GALK2: variants seen among roughly 807,000 people sequenced by gnomAD.
The protein encoded by GALK2 is N-acetylgalactosamine kinase.
A neutral mutation model predicts 52.4 loss-of-function variants in GALK2; 36 were observed. The observed-to-expected ratio is 0.69, with a 90% CI of 0.53 to 0.91. The LOEUF (loss-of-function observed/expected upper bound fraction) is 0.91, where lower values mean the gene tolerates loss of function less well. Ranked by LOEUF, GALK2 falls within the 40% of genes least tolerant of loss-of-function variation. GALK2 has a pLI of 0.00. For missense variants in GALK2, 579 were observed against 559.1 expected, an observed-to-expected ratio of 1.04 and a Z score of -0.36; for synonymous variants, 176 against 199.1, an observed-to-expected ratio of 0.88 and a Z score of 0.98.
chr15:49,262,935 AGTTT>A lies in GALK2; in HGVS notation c.505-19048_505-19045del, dbSNP rs1269947908. Among the ~76,000 whole-genome samples the A allele has an allele frequency of 2.1e-5, 3 of 143,994 alleles. No homozygotes were observed. In the East Asian group the frequency reaches 6.0e-4, roughly 29 times the overall value. The allele number at this position is 143,994 out of a possible 152,430, so 94.5% of individuals were successfully genotyped here. ...TTGATTGCACTGTGGTCTGAGAGATAGTTTGTTATAATTTCTGTTCTTTTACATC... is the reference window on the plus strand; with the variant it reads ...TTGATTGCACTGTGGTCTGAGAGATAGTTATAATTTCTGTTCTTTTACATC... On this transcript the variant is annotated intron_variant, in intron 5 of 9. Coordinates refer to ENST00000560031, the MANE Select transcript of GALK2 (RefSeq NM_002044.4).
chr15:49,205,149 T>A (rs2088164855), intron 2 of GALK2, among the ~76,000 whole-genome samples: 1 of 151,238 alleles, frequency 6.6e-6, no homozygotes, highest in Non-Finnish European at 1.5e-5. Flanking sequence ...ATAATACCAA[T>A]GACATATAGT....
chr15:49,327,722 T>TA (rs2037770929), intron 9 of GALK2: 1 of 396,894 alleles, frequency 2.5e-6, no homozygotes, highest in East Asian at 4.0e-5. Context: ...ACTGTTGACT[T>TA]ACCACTTGGA....
intron 3 of GALK2, among the ~76,000 whole-genome samples, chr15:49,361,706 T>C (rs986738229): frequency 5.3e-5 from 8 of 152,178 alleles, no homozygotes; most frequent in African/African-American, 1.9e-4. Context: ...GCAATGAGCA[T>C]ACGCGTGAAT....
intron 7 of GALK2, among the ~76,000 whole-genome samples, chr15:49,288,788 G>T (rs967312704): frequency 1.3e-5 from 2 of 152,176 alleles, no homozygotes; most frequent in African/African-American, 4.8e-5. Flanking sequence ...TGAAAGCAGT[G>T]GTTGTTAGCA....
chr15:49,365,000 A>G (rs1435435469), intron 3 of GALK2: 2 of 442,662 alleles, frequency 4.5e-6, no homozygotes, highest in African/African-American at 2.0e-5. Flanking sequence ...ACCAGCTCAT[A>G]AAAATATATA....
chr15:49,202,503 C>G (rs1266673463), intron 2 of GALK2, among the ~76,000 whole-genome samples: 1 of 152,190 alleles, frequency 6.6e-6, no homozygotes, highest in Non-Finnish European at 1.5e-5. Flanking sequence ...GTCCTCTAAG[C>G]TCATCCATGT....
chr15:49,298,411 C>A lies in GALK2; in HGVS notation c.967+5874C>A, dbSNP rs138750812. Reference sequence around the variant, plus strand: ...TTTCCTACTTGGATGCATTTTATTTCTTTCTCTTGCCTGATTGCTGTGGCT... The same window carrying A: ...TTTCCTACTTGGATGCATTTTATTTATTTCTCTTGCCTGATTGCTGTGGCT... On this transcript the variant is annotated intron_variant, in intron 8 of 9. Coordinates refer to ENST00000560031, the MANE Select transcript of GALK2 (RefSeq NM_002044.4). Among the ~76,000 whole-genome samples the A allele has an allele frequency of 2.4e-3, 368 of 152,198 alleles. 4 individuals are homozygous for A. Among genetic ancestry groups the A allele is most frequent in the African/African-American group, 8.4e-3 (348 of 41,536 alleles).
intron 5 of GALK2, among the ~76,000 whole-genome samples, chr15:49,270,810 G>A (rs2030421381): frequency 6.6e-6 from 1 of 152,136 alleles, no homozygotes; most frequent in Admixed American, 6.5e-5. Context: ...AGGAAAATTA[G>A]CAAGTATTCT....
chr15:49,198,821 C>T (rs2087466190), intron 1 of GALK2: 1 of 139,828 alleles, frequency 7.2e-6, no homozygotes, highest in African/African-American at 2.6e-5. Context: ...TCCCTTCCTC[C>T]CCCTCTTCCC....
At chr15:49,282,202 T>C (rs1350114185) in intron 6 of GALK2, 117 bp downstream of exon 6, 5 of 613,048 alleles carry the variant, frequency 8.2e-6, no homozygotes, top group African/African-American at 1.9e-5. Flanking sequence ...TATATTAGGC[T>C]CTATTGTAGG....
intron 2 of GALK2, among the ~76,000 whole-genome samples, chr15:49,207,097 T>C (rs1780331954): frequency 6.6e-6 from 1 of 152,242 alleles, no homozygotes; most frequent in Non-Finnish European, 1.5e-5. Context: ...GAGATGATCA[T>C]GTGATTTTTG....
At chr15:49,272,621 T>C (rs577725945) in intron 5 of GALK2, among the ~76,000 whole-genome samples, 5 of 152,312 alleles carry the variant, frequency 3.3e-5, no homozygotes, top group African/African-American at 1.2e-4. Context: ...TTTAGATTCA[T>C]GTTAATATTT....
intron 8 of GALK2, among the ~76,000 whole-genome samples, chr15:49,312,053 C>T (rs923055226): frequency 6.6e-6 from 1 of 152,196 alleles, no homozygotes; most frequent in African/African-American, 2.4e-5. Flanking sequence ...TTCACTCCTG[C>T]TTTCTAGATT....
chr15:49,192,525 A>ATATATATAT (rs1555400547), intron 1 of GALK2, among the ~76,000 whole-genome samples: 2 of 123,148 alleles, frequency 1.6e-5, no homozygotes, highest in African/African-American at 6.1e-5. Flanking sequence ...ATATATATAT[A>ATATATATAT]GTTGGAGGTG....
chr15:49,288,515 C>T (rs966862465), intron 7 of GALK2, among the ~76,000 whole-genome samples: 1 of 152,114 alleles, frequency 6.6e-6, no homozygotes, highest in African/African-American at 2.4e-5. Flanking sequence ...GAGAAGTTGG[C>T]ATAATAGTCT....
intron 8 of GALK2, among the ~76,000 whole-genome samples, chr15:49,294,180 T>C (rs1327276956): frequency 6.7e-6 from 1 of 149,628 alleles, no homozygotes; most frequent in African/African-American, 2.5e-5. Context: ...AATAAATAAA[T>C]AAATAAGCAA....
intron 8 of GALK2, among the ~76,000 whole-genome samples, chr15:49,303,154 G>GA (rs972723461): frequency 4.6e-5 from 7 of 151,798 alleles, no homozygotes; most frequent in African/African-American, 1.2e-4. Context: ...GTTTCCTAGG[G>GA]AAAAAAAATG....
intron 2 of GALK2, among the ~76,000 whole-genome samples, chr15:49,207,364 T>C (rs1453278599): frequency 1.3e-5 from 2 of 152,138 alleles, no homozygotes; most frequent in African/African-American, 4.8e-5. Context: ...AATGAATTCG[T>C]AAAATGAATT....
chr15:49,366,544 G>A, intron 3 of GALK2: 1 of 1,568,094 alleles, frequency 6.4e-7, no homozygotes, highest in Non-Finnish European at 8.8e-7. Flanking sequence ...CTGACCAATG[G>A]GGGTTATAAA....
Sources: allele counts gnomAD v4.1 joint callset (sites outside exome capture counted in the v4.1 genomes callset), GRCh38; gene constraint gnomAD v4.1.1; transcripts MANE v1.5; gene names NCBI Gene and HGNC (gene_info 2026-07-23, HGNC 2026-07-21).